NKAIN3: variants seen among roughly 807,000 people sequenced by gnomAD.
NKAIN3 encodes sodium/potassium transporting ATPase interacting 3.
NKAIN3 carries 25 observed loss-of-function variants against 30.2 expected under a neutral mutation model. The ratio of observed to expected loss-of-function variants is 0.83; its 90% confidence interval spans 0.60 to 1.16. NKAIN3 has a LOEUF of 1.16. Among genes scored for constraint, NKAIN3 ranks in the 50% most tolerant of loss-of-function variants. The pLI is 0.00. For synonymous variants in NKAIN3, 91 were observed against 89.6 expected (o/e 1.02, Z -0.09); for missense variants, 225 against 254.1 (o/e 0.89, Z 0.78).
intron 1 of NKAIN3, among the ~76,000 whole-genome samples, chr8:62,510,578 T>A (rs750245560): frequency 2.6e-5 from 4 of 151,932 alleles, no homozygotes; most frequent in Admixed American, 6.6e-5. Context: ...AAATAGGGTT[T>A]GTTAACAAAA....
intron 2 of NKAIN3, among the ~76,000 whole-genome samples, chr8:62,587,509 G>T (rs1810514214): frequency 6.6e-6 from 1 of 151,910 alleles, no homozygotes; most frequent in East Asian, 1.9e-4. Flanking sequence ...TTGACAAATT[G>T]CTTAATTTGG....
At chr8:62,250,270 A>G (rs899322148) in intron 1 of NKAIN3, among the ~76,000 whole-genome samples, 45 of 152,192 alleles carry the variant, frequency 3.0e-4, no homozygotes, top group Admixed American at 2.8e-3. Flanking sequence ...TCAGTGTTCC[A>G]GTCTCCCATG....
intron 4 of NKAIN3, among the ~76,000 whole-genome samples, chr8:62,772,619 C>T (rs1263136266): frequency 6.7e-6 from 1 of 150,274 alleles, no homozygotes; most frequent in African/African-American, 2.4e-5. Context: ...GTTTGCTATT[C>T]GTAAGTCTTC....
chr8:62,309,535 A>T (rs1814359693), intron 1 of NKAIN3, among the ~76,000 whole-genome samples: 1 of 150,426 alleles, frequency 6.6e-6, no homozygotes, highest in Non-Finnish European at 1.5e-5. Context: ...GTTCTAAGTT[A>T]TATTTCAAAG....
In NKAIN3 at chr8:62,982,139, T is replaced by C. The variant is rs1425245164; in HGVS notation, c.*16732T>C. 6.6e-6 allele frequency: 1 copy of C among 152,192 alleles called. No individual in the cohort carries two copies. The highest frequency in any genetic ancestry group is 1.5e-5 in the Non-Finnish European group (1 of 68,022). 9.4% of individuals were successfully genotyped at this position (152,192 alleles called of 1,614,324 possible). The stretch of plus-strand genomic sequence containing the variant: ...GAGCCTGCAGGCAGCACTGTATTGC[T>C]TTACAAAACAGCATTTCATTTGTAT... On this transcript the variant is annotated 3_prime_UTR_variant, in exon 7 of 7. Coordinates refer to ENST00000623646, the MANE Select transcript of NKAIN3 (RefSeq NM_001304533.3).
chr8:62,666,042 C>T (rs966920667), intron 3 of NKAIN3, among the ~76,000 whole-genome samples: 3 of 151,968 alleles, frequency 2.0e-5, no homozygotes, highest in Non-Finnish European at 2.9e-5. Context: ...GGTGAAACCC[C>T]GTCTCTACTA....
chr8:62,663,123 C>A (rs1366935052), intron 3 of NKAIN3, among the ~76,000 whole-genome samples: 1 of 152,064 alleles, frequency 6.6e-6, no homozygotes, highest in Non-Finnish European at 1.5e-5. Context: ...GGAGCAAGTG[C>A]CCTGTGCTGC....
chr8:62,983,951 A>C lies in NKAIN3; in HGVS notation c.*18544A>C, dbSNP rs565167528. ...CCCAGTTTGACTGGTTAGCGTTTAA[A>C]TAAAACTTAACAGACTAGGCAACTA... is the stretch of plus-strand genomic sequence containing the variant. On this transcript the variant is annotated 3_prime_UTR_variant, in exon 7 of 7. Coordinates refer to ENST00000623646, the MANE Select transcript of NKAIN3 (RefSeq NM_001304533.3). The C allele has an allele frequency of 5.9e-5, 9 of 152,224 alleles. No homozygotes were observed. Among genetic ancestry groups the C allele is most frequent in the Non-Finnish European group, 7.3e-5 (5 of 68,038 alleles). The allele number at this position is 152,224 out of a possible 1,614,324, so 9.4% of individuals were successfully genotyped here. A position where few individuals can be genotyped will look rare whatever the true frequency, so the allele number is the denominator to read the frequency against.
At chr8:62,562,891 T>G (rs1035388218) in intron 1 of NKAIN3, among the ~76,000 whole-genome samples, 1 of 152,134 alleles carries the variant, frequency 6.6e-6, no homozygotes, top group East Asian at 1.9e-4. Context: ...CAAATAAACA[T>G]GAGAAAAGGT....
At chr8:62,740,244 T>C (rs542700820) in intron 3 of NKAIN3, among the ~76,000 whole-genome samples, 65 of 152,148 alleles carry the variant, frequency 4.3e-4, no homozygotes, top group Non-Finnish European at 8.8e-4. Flanking sequence ...AGAAGTTCAA[T>C]TGGCATGAAT....
chr8:62,279,935 A>G (rs1159436144), intron 1 of NKAIN3, among the ~76,000 whole-genome samples: 1 of 152,112 alleles, frequency 6.6e-6, no homozygotes, highest in Non-Finnish European at 1.5e-5. Flanking sequence ...CTTGATGGGG[A>G]TGGCATTGAA....
At chr8:62,787,625 C>T (rs529767232) in intron 4 of NKAIN3, among the ~76,000 whole-genome samples, 50 of 152,252 alleles carry the variant, frequency 3.3e-4, no homozygotes, top group African/African-American at 1.1e-3. Flanking sequence ...GTGTGCTGCA[C>T]CCATTAACTC....
At chr8:62,570,514 A>T (rs1809902515) in intron 1 of NKAIN3, among the ~76,000 whole-genome samples, 1 of 152,158 alleles carries the variant, frequency 6.6e-6, no homozygotes, top group African/African-American at 2.4e-5. Flanking sequence ...CACATCTCGC[A>T]TGGCAGCAGA....
At chr8:62,697,173 G>A (rs1451171591) in intron 3 of NKAIN3, among the ~76,000 whole-genome samples, 1 of 152,096 alleles carries the variant, frequency 6.6e-6, no homozygotes, top group African/African-American at 2.4e-5. Flanking sequence ...TTCACCTGGA[G>A]GAAGAGCCAA....
At chr8:62,731,156 A>C (rs1477359251) in intron 3 of NKAIN3, among the ~76,000 whole-genome samples, 1 of 151,798 alleles carries the variant, frequency 6.6e-6, no homozygotes, top group African/African-American at 2.4e-5. Flanking sequence ...GAATGGTATC[A>C]AACAGCAAAA....
chr8:62,919,284 G>A (rs1220622814), intron 5 of NKAIN3, among the ~76,000 whole-genome samples: 1 of 111,208 alleles, frequency 9.0e-6, no homozygotes, highest in Non-Finnish European at 1.7e-5. Flanking sequence ...TCCCTCTGTC[G>A]CCCAGGCTGG....
At chr8:62,406,416 A>G (rs1804067879) in intron 1 of NKAIN3, among the ~76,000 whole-genome samples, 1 of 152,224 alleles carries the variant, frequency 6.6e-6, no homozygotes, top group African/African-American at 2.4e-5. Flanking sequence ...TTCAAACATA[A>G]GAAAATAAAA....
rs1464384510 is a variant in NKAIN3, at chr8:62,283,259, A to G, written c.54+34132A>G. ...TTAAGTTATCTTTTGCTTTCTTGAG[A>G]CCATCTGCTCTTACGTGGCTATTTT... On this transcript the variant is annotated intron_variant, in intron 1 of 6. Coordinates refer to ENST00000623646, the MANE Select transcript of NKAIN3 (RefSeq NM_001304533.3). Among the ~76,000 whole-genome samples the G allele has an allele frequency of 6.1e-5, 9 of 147,724 alleles. No individual in the cohort carries two copies. In the East Asian group the frequency reaches 1.8e-3, roughly 30 times the overall value.
chr8:62,870,746 G>GATATATATATATCTCTCTAT (rs1820615600), intron 4 of NKAIN3, among the ~76,000 whole-genome samples: 1 of 137,438 alleles, frequency 7.3e-6, no homozygotes. Flanking sequence ...TATATATCTA[G>GATATATATATATCTCTCTAT]ATATCTAGAT....
Sources: gnomAD v4.1 joint callset for allele counts (sites outside exome capture counted in the v4.1 genomes callset) on GRCh38, gnomAD v4.1.1 for gene constraint, MANE v1.5 for transcripts, NCBI Gene and HGNC (gene_info 2026-07-23, HGNC 2026-07-21) for gene names.